The following SATB2 variants were observed in gnomAD, a reference collection of about 807,000 sequenced individuals.
The protein encoded by SATB2 is DNA-binding protein SATB2.
In SATB2, 1 loss-of-function variant was observed where a neutral mutation model predicts 73.4. That is an observed-to-expected ratio of 0.01 (90% CI 0.00 to 0.06). The LOEUF is 0.06. Ranked by LOEUF, SATB2 falls within the 10% of genes least tolerant of loss-of-function variation. The pLI is 1.00. For synonymous variants in SATB2, 397 were observed against 367.0 expected (o/e 1.08, Z -0.93); for missense variants, 459 against 945.8 (o/e 0.49, Z 6.75).
Position 199,389,962 on chromosome 2 carries a change from A to G in SATB2, c.347-8142T>C, listed in dbSNP as rs532843385. ...CATGGCTTTTACAATTTTGCGGCAT[A>G]AAGATTTTGTCTAATGTAATAGATG... On this transcript the variant is annotated intron_variant, in intron 3 of 10. Transcript: ENST00000417098. 3.3e-4 allele frequency among the ~76,000 whole-genome samples: 50 copies of G among 152,208 alleles called. 1 individual carries two copies. The South Asian group carries it at 0.01, about 31-fold the overall frequency.
At chr2:199,300,246 A>G (rs1412178827) in intron 10 of SATB2, among the ~76,000 whole-genome samples, 2 of 151,980 alleles carry the variant, frequency 1.3e-5, no homozygotes, top group African/African-American at 2.4e-5. Context: ...AAATAGCAAC[A>G]TTGAGTTGAC....
chr2:199,331,806 C>T (rs989128157), intron 7 of SATB2, among the ~76,000 whole-genome samples: 10 of 152,082 alleles, frequency 6.6e-5, no homozygotes, highest in African/African-American at 2.4e-4. Flanking sequence ...CTTTCACATA[C>T]CACAAATCAC....
intron 10 of SATB2, among the ~76,000 whole-genome samples, chr2:199,296,946 G>T (rs539662052): frequency 6.6e-6 from 1 of 152,082 alleles, no homozygotes; most frequent in East Asian, 1.9e-4. Context: ...CAGTGTGGGG[G>T]CAATAATCAT....
chr2:199,386,714 G>A (rs1057243429), intron 3 of SATB2, among the ~76,000 whole-genome samples: 503 of 22,482 alleles, frequency 0.022, 6 homozygotes, highest in African/African-American at 0.088. Flanking sequence ...GCGCGCGCGC[G>A]CGCACACACA....
At chr2:199,376,694 C>T (rs1387389416) in intron 5 of SATB2, among the ~76,000 whole-genome samples, 1 of 152,048 alleles carries the variant, frequency 6.6e-6, no homozygotes, top group Non-Finnish European at 1.5e-5. Flanking sequence ...TGTGGACAGT[C>T]CATCTAGTGA....
chr2:199,316,140 T>A (rs1019236877), intron 9 of SATB2, among the ~76,000 whole-genome samples: 1 of 152,078 alleles, frequency 6.6e-6, no homozygotes, highest in Admixed American at 6.5e-5. Context: ...CCAAACAAAC[T>A]TTTGTAACTG....
intron 4 of SATB2, 56 bp downstream of exon 4, chr2:199,381,638 A>G (rs1004892326): frequency 9.3e-6 from 15 of 1,606,294 alleles, no homozygotes; most frequent in East Asian, 2.2e-5. Flanking sequence ...CAGTGAATCT[A>G]TGATTGACGG....
intron 9 of SATB2, among the ~76,000 whole-genome samples, chr2:199,323,009 C>T (rs549151084): frequency 3.9e-5 from 6 of 152,118 alleles, no homozygotes; most frequent in African/African-American, 1.4e-4. Flanking sequence ...ATTAGGTGTT[C>T]GCCCTAGGTA....
intron 3 of SATB2, 131 bp downstream of exon 3, chr2:199,433,207 T>C: frequency 1.1e-6 from 1 of 907,308 alleles, no homozygotes; most frequent in East Asian, 2.7e-5. Context: ...AATATTCTAC[T>C]GCTCACTAGG....
intron 10 of SATB2, among the ~76,000 whole-genome samples, chr2:199,275,224 C>T (rs1489760081): frequency 6.6e-6 from 1 of 152,178 alleles, no homozygotes; most frequent in Non-Finnish European, 1.5e-5. Flanking sequence ...CAAAACTATA[C>T]TTTGAAGTTA....
intron 5 of SATB2, among the ~76,000 whole-genome samples, chr2:199,371,541 A>G (rs746980339): frequency 2.3e-4 from 35 of 152,266 alleles, no homozygotes; most frequent in East Asian, 5.8e-4. Flanking sequence ...CTTAAACCTG[A>G]TAAGATACAG....
At chr2:199,390,427 TAA>T (rs1690095764) in intron 3 of SATB2, among the ~76,000 whole-genome samples, 1 of 152,212 alleles carries the variant, frequency 6.6e-6, no homozygotes, top group Admixed American at 6.5e-5. Flanking sequence ...AATCATTTTC[TAA>T]AAGAGTTTTA....
intron 6 of SATB2, among the ~76,000 whole-genome samples, chr2:199,356,598 A>G (rs1364369220): frequency 6.6e-6 from 1 of 152,178 alleles, no homozygotes; most frequent in African/African-American, 2.4e-5. Context: ...GTCCAAATGC[A>G]GATAAATATT....
intron 5 of SATB2, among the ~76,000 whole-genome samples, chr2:199,372,759 G>A (rs1411198533): frequency 6.6e-6 from 1 of 152,076 alleles, no homozygotes; most frequent in Non-Finnish European, 1.5e-5. Flanking sequence ...AAAAAACAAG[G>A]TAACAACAGC....
intron 9 of SATB2, among the ~76,000 whole-genome samples, chr2:199,310,957 T>C (rs1238472334): frequency 6.6e-6 from 1 of 152,224 alleles, no homozygotes; most frequent in Admixed American, 6.5e-5. Flanking sequence ...TGCGCTGTTA[T>C]AATCTGCACT....
At chr2:199,360,938 C>A (rs958755832) in intron 6 of SATB2, among the ~76,000 whole-genome samples, 2 of 152,076 alleles carry the variant, frequency 1.3e-5, no homozygotes, top group Admixed American at 1.3e-4. Flanking sequence ...CCCTTGATAA[C>A]ACTTCCCCCT....
intron 10 of SATB2, among the ~76,000 whole-genome samples, chr2:199,290,337 T>G (rs1267728964): frequency 6.6e-6 from 1 of 152,126 alleles, no homozygotes; most frequent in Admixed American, 6.5e-5. Context: ...ATCTCTGGGC[T>G]CCTTAAGGGT....
upstream of SATB2, chr2:199,458,440 G>C (rs1442656522): frequency 5.1e-6 from 2 of 395,580 alleles, no homozygotes; most frequent in Non-Finnish European, 1.0e-5. Context: ...AGGACCGATG[G>C]CAGAGAACCG....
Position 199,455,788 on chromosome 2 carries a change from C to T in SATB2, c.169+81G>A. The T allele has an allele frequency of 6.9e-7, 1 of 1,456,300 alleles. No homozygotes were observed. The highest frequency in any genetic ancestry group is 9.3e-7 in the Non-Finnish European group (1 of 1,076,290). 90.2% of individuals were successfully genotyped at this position (1,456,300 alleles called of 1,614,324 possible). A position where few individuals can be genotyped will look rare whatever the true frequency, so the allele number is the denominator to read the frequency against. On this transcript the variant is annotated intron_variant, in intron 2 of 10. Transcript: ENST00000417098. The surrounding 1 kb of genome is among the most constrained non-coding windows in gnomAD (Gnocchi z 4.1). The stretch of plus-strand genomic sequence containing the variant: ...TTCCTGTAATCCTACACCGCGACAG[C>T]GCCTAATCAACCTGAACCCTGACAC...
Sources: gnomAD v4.1 joint callset for allele counts (sites outside exome capture counted in the v4.1 genomes callset) on GRCh38, gnomAD v4.1.1 for gene constraint, Gnocchi (gnomAD v3.1) non-coding constraint, MANE v1.5 for transcripts, NCBI Gene and HGNC (gene_info 2026-07-23, HGNC 2026-07-21) for gene names.